Variants in PPP2R2C observed in about 807,000 individuals in gnomAD.
PPP2R2C encodes protein phosphatase 2 regulatory subunit Bgamma.
In PPP2R2C, 10 loss-of-function variants were observed where a neutral mutation model predicts 45.3. The observed-to-expected ratio is 0.22, with a 90% CI of 0.14 to 0.37. PPP2R2C has a LOEUF of 0.37. Ranked by LOEUF, PPP2R2C falls within the 10% of genes least tolerant of loss-of-function variation. The probability of loss-of-function intolerance (pLI) is 1.00; values close to 1 mark genes in which losing one functional copy is unlikely to be tolerated. For missense variants in PPP2R2C, 308 were observed against 619.7 expected (o/e 0.50, Z 5.34); for synonymous variants, 257 against 245.4 (o/e 1.05, Z -0.44).
chr4:6,456,357 TGAAATAAAATAGA>T (rs1721037317), intron 1 of PPP2R2C, among the ~76,000 whole-genome samples: 2 of 141,396 alleles, frequency 1.4e-5, no homozygotes, highest in Non-Finnish European at 3.1e-5. Flanking sequence ...GTTTCTGTAA[TGAAATAAAATAGA>T]GAAATAAAAT....
intron 1 of PPP2R2C, chr4:6,383,008 C>T: frequency 5.6e-6 from 6 of 1,077,448 alleles, no homozygotes; most frequent in Non-Finnish European, 6.8e-6. Context: ...TCACCCCTCC[C>T]ATGGTGGGCC....
chr4:6,562,448 TG>T (rs1472650801), intron 1 of PPP2R2C, among the ~76,000 whole-genome samples: 12 of 114,506 alleles, frequency 1.0e-4, no homozygotes, highest in Non-Finnish European at 1.8e-4. Flanking sequence ...GGGGATAATG[TG>T]GGGAGGATTC....
At chr4:6,394,681 C>A (rs557900461) in intron 1 of PPP2R2C, among the ~76,000 whole-genome samples, 1 of 152,240 alleles carries the variant, frequency 6.6e-6, no homozygotes, top group African/African-American at 2.4e-5. Context: ...GCGGACCTAT[C>A]ACTTGAGTCT....
At chr4:6,534,291 A>T (rs1313806823) in intron 2 of PPP2R2C, among the ~76,000 whole-genome samples, 1 of 151,348 alleles carries the variant, frequency 6.6e-6, no homozygotes, top group Non-Finnish European at 1.5e-5. Context: ...ACATATCCCA[A>T]CACACACACC....
chr4:6,472,626 G>GGCCGCC (rs987279249), upstream of PPP2R2C, among the ~76,000 whole-genome samples: 22 of 147,078 alleles, frequency 1.5e-4, no homozygotes, highest in African/African-American at 3.4e-4. Flanking sequence ...CGCGGGCTGG[G>GGCCGCC]GCCGCCGCCG....
chr4:6,554,593 C>T (rs191444147), intron 1 of PPP2R2C, among the ~76,000 whole-genome samples: 169 of 152,258 alleles, frequency 1.1e-3, no homozygotes, highest in African/African-American at 3.9e-3. Flanking sequence ...GGCACAGTGG[C>T]TCACACCTGC....
chr4:6,427,746 G>C (rs2109403929), intron 1 of PPP2R2C, among the ~76,000 whole-genome samples: 2 of 152,342 alleles, frequency 1.3e-5, no homozygotes, highest in African/African-American at 4.8e-5. Flanking sequence ...CTTGGCTTTA[G>C]GAAGCTTTTA....
chr4:6,558,373 G>A (rs1369275491), intron 1 of PPP2R2C, among the ~76,000 whole-genome samples: 2 of 152,304 alleles, frequency 1.3e-5, no homozygotes, highest in Admixed American at 6.5e-5. Flanking sequence ...CAGTGGGAAG[G>A]CCACCCATGC....
intron 1 of PPP2R2C, among the ~76,000 whole-genome samples, chr4:6,417,778 A>G (rs1718690052): frequency 6.6e-6 from 1 of 152,216 alleles, no homozygotes; most frequent in African/African-American, 2.4e-5. Context: ...CGTGGGGGGC[A>G]TGGTCACTCA....
At chr4:6,495,050 A>G (rs961717352) in intron 2 of PPP2R2C, among the ~76,000 whole-genome samples, 4 of 152,186 alleles carry the variant, frequency 2.6e-5, no homozygotes, top group Non-Finnish European at 5.9e-5. Context: ...GCTGGTGGGC[A>G]CAGCCTGCCA....
intron 5 of PPP2R2C, among the ~76,000 whole-genome samples, chr4:6,353,044 C>T (rs1173866114): frequency 6.6e-6 from 1 of 152,092 alleles, no homozygotes; most frequent in Non-Finnish European, 1.5e-5. Flanking sequence ...AAGGAAGCCT[C>T]CTCCCCTAGA....
At chr4:6,498,740 G>A (rs1316580093) in intron 2 of PPP2R2C, among the ~76,000 whole-genome samples, 1 of 152,102 alleles carries the variant, frequency 6.6e-6, no homozygotes, top group Non-Finnish European at 1.5e-5. Flanking sequence ...TGAGCTCCCG[G>A]GCTGTGCTAG....
At position 6,378,543 on chromosome 4, in the gene PPP2R2C, T is replaced by C. The variant is rs1715526463; in HGVS notation, c.198A>G (p.Glu66=). 1.2e-6 allele frequency: 2 copies of C among 1,614,020 alleles called. No individual in the cohort carries two copies. Among genetic ancestry groups the C allele is most frequent in the African/African-American group, 1.3e-5 (1 of 75,040 alleles). Residue 66 remains glutamate (E), a synonymous_variant, in exon 3 of 9, where the codon GAA becomes GAG. Transcript: ENST00000382599. This position sits in a 1 kb window ranked among gnomAD's most constrained non-coding sequence, Gnocchi z 5.2. ...TCTGGAAAGTGCTGTACACGTCGTA[T>C]TCGCCCTGGCTGTGGGGCGCATTTT... is the stretch of plus-strand genomic sequence containing the variant. ...ESKNAPHSQG[E]YDVYSTFQSH...
chr4:6,351,878 G>C (rs1712595432), intron 5 of PPP2R2C, among the ~76,000 whole-genome samples: 1 of 152,156 alleles, frequency 6.6e-6, no homozygotes, highest in African/African-American at 2.4e-5. Flanking sequence ...CCAAGACCTT[G>C]GCTCAGGTGG....
intron 1 of PPP2R2C, among the ~76,000 whole-genome samples, chr4:6,462,587 C>T (rs757603860): frequency 3.3e-5 from 5 of 152,206 alleles, no homozygotes; most frequent in African/African-American, 1.2e-4. Context: ...AACAGCCAAA[C>T]GCAGGTGCAG....
intron 2 of PPP2R2C, chr4:6,380,018 C>T (rs1459301682): frequency 1.3e-5 from 2 of 152,746 alleles, no homozygotes; most frequent in African/African-American, 4.8e-5. Context: ...CCTGCCTCTC[C>T]TGCTCCATCC....
chr4:6,413,824 CG>C, intron 1 of PPP2R2C: 2 of 1,511,116 alleles, frequency 1.3e-6, no homozygotes, highest in South Asian at 2.4e-5. Flanking sequence ...AGGACTGTGC[CG>C]GGGCTCCCAC....
chr4:6,352,393 C>G (rs1022715366), intron 5 of PPP2R2C, among the ~76,000 whole-genome samples: 5 of 152,198 alleles, frequency 3.3e-5, no homozygotes, highest in African/African-American at 1.2e-4. Context: ...CCGCCTAAAT[C>G]CTGCTTGAAA....
chr4:6,387,611 G>C (rs778277828), intron 1 of PPP2R2C, among the ~76,000 whole-genome samples: 34 of 152,096 alleles, frequency 2.2e-4, no homozygotes, highest in Non-Finnish European at 3.8e-4. Flanking sequence ...AGGAGATCGA[G>C]ACCAGCCTAG....
Sources: gnomAD v4.1 joint callset for allele counts (sites outside exome capture counted in the v4.1 genomes callset) on GRCh38, gnomAD v4.1.1 for gene constraint, Gnocchi (gnomAD v3.1) non-coding constraint, MANE v1.5 for transcripts, NCBI Gene and HGNC (gene_info 2026-07-23, HGNC 2026-07-21) for gene names.